Variants in FARP2 observed in about 807,000 individuals in gnomAD.
FARP2 encodes FERM, ARH/RhoGEF and pleckstrin domain protein 2.
In FARP2, 111 loss-of-function variants were observed where a neutral mutation model predicts 130.5. That is an observed-to-expected ratio of 0.85 (90% CI 0.73 to 1.00). FARP2 has a LOEUF of 1.00. Among genes scored for constraint, FARP2 ranks in the 50% least tolerant of loss-of-function variants. The pLI, the probability that FARP2 is intolerant of heterozygous loss-of-function variation, is 0.00. For synonymous variants in FARP2, 504 were observed against 516.9 expected, an observed-to-expected ratio of 0.98 and a Z score of 0.34; for missense variants, 1,385 against 1,346.3, an observed-to-expected ratio of 1.03 and a Z score of -0.45.
chr2:241,369,112 G>A lies in FARP2; in HGVS notation c.-24-3972G>A, dbSNP rs186763692. On this transcript the variant is annotated intron_variant, in intron 1 of 26. Coordinates refer to ENST00000264042, the MANE Select transcript of FARP2 (RefSeq NM_014808.4). Reference sequence around the variant, plus strand: ...GTCTGGGCTAAATGAAAATGAGGATGTAAGTCGCTGCTTGGAAAGTGTGCA... The same window carrying A: ...GTCTGGGCTAAATGAAAATGAGGATATAAGTCGCTGCTTGGAAAGTGTGCA... Among the ~76,000 whole-genome samples, 10 of 152,144 alleles carry A rather than the reference G, an allele frequency of 6.6e-5. No individual in the cohort carries two copies. The East Asian group carries it at 1.7e-3, about 26-fold the overall frequency.
In FARP2 at chr2:241,415,395, A is replaced by T. The variant is rs539197570; in HGVS notation, c.623+1974A>T. The stretch of plus-strand genomic sequence containing the variant: ...GGAAACGGTCACTGGTTCAGTCTGC[A>T]TTCCTAGGGTTGGGGATAGTCTCTC... On this transcript the variant is annotated intron_variant, in intron 7 of 26. Coordinates refer to ENST00000264042, the MANE Select transcript of FARP2 (RefSeq NM_014808.4). Among the ~76,000 whole-genome samples the T allele has an allele frequency of 5.1e-4, 78 of 152,232 alleles. No homozygotes were observed. The Middle Eastern group carries it at 0.01, about 20-fold the overall frequency.
At chr2:241,447,787 G>T (rs1309579029) in intron 13 of FARP2, among the ~76,000 whole-genome samples, 2 of 152,184 alleles carry the variant, frequency 1.3e-5, no homozygotes, top group Admixed American at 6.5e-5. Context: ...GCCTGCGGGG[G>T]TGGGGGCAGG....
intron 12 of FARP2, among the ~76,000 whole-genome samples, chr2:241,440,933 T>A (rs1300751771): frequency 6.6e-6 from 1 of 152,140 alleles, no homozygotes; most frequent in South Asian, 2.1e-4. Context: ...GGTGGATCAC[T>A]TGAGGCCAGG....
chr2:241,424,294 C>T (rs1252106214), intron 8 of FARP2, among the ~76,000 whole-genome samples: 1 of 152,150 alleles, frequency 6.6e-6, no homozygotes, highest in African/African-American at 2.4e-5. Context: ...AATTAGAACT[C>T]AAGATTTAAA....
chr2:241,471,820 A>G (rs1559802708), intron 18 of FARP2, among the ~76,000 whole-genome samples: 1 of 150,528 alleles, frequency 6.6e-6, no homozygotes, highest in Non-Finnish European at 1.5e-5. Flanking sequence ...CGGAGACCCT[A>G]TTTTGTGGGG....
At chr2:241,460,533 C>G (rs752573605) in intron 14 of FARP2, among the ~76,000 whole-genome samples, 2 of 152,122 alleles carry the variant, frequency 1.3e-5, no homozygotes, top group Non-Finnish European at 2.9e-5. Context: ...CCATATCAGC[C>G]TCCCAAAGTG....
intron 17 of FARP2, 48 bp downstream of exon 17, chr2:241,464,028 C>A: frequency 6.7e-7 from 1 of 1,500,170 alleles, no homozygotes; most frequent in Non-Finnish European, 9.3e-7. Flanking sequence ...TTTATGGGAG[C>A]AAAACCATCT....
At chr2:241,360,135 G>A (rs758287374) in intron 1 of FARP2, among the ~76,000 whole-genome samples, 13 of 152,020 alleles carry the variant, frequency 8.6e-5, no homozygotes, top group Admixed American at 6.6e-5. Context: ...CACTATATAG[G>A]GGGGAATTTT....
intron 2 of FARP2, among the ~76,000 whole-genome samples, chr2:241,377,660 T>C (rs1381874156): frequency 2.6e-5 from 4 of 152,206 alleles, no homozygotes; most frequent in Admixed American, 6.5e-5. Context: ...GTACTTTAAC[T>C]CATCTCTAGA....
intron 5 of FARP2, among the ~76,000 whole-genome samples, chr2:241,408,586 A>G (rs144222840): frequency 1.3e-5 from 2 of 152,022 alleles, no homozygotes; most frequent in African/African-American, 4.8e-5. Context: ...TCATCTGGAC[A>G]GTAAGGTTAT....
intron 21 of FARP2, chr2:241,488,168 A>G (rs1353791455): frequency 6.6e-6 from 1 of 151,912 alleles, no homozygotes; most frequent in Admixed American, 6.6e-5. Context: ...CTGGAAGTGA[A>G]AAACAGAATG....
At chr2:241,402,679 T>C (rs2062199919) in intron 2 of FARP2, among the ~76,000 whole-genome samples, 1 of 150,178 alleles carries the variant, frequency 6.7e-6, no homozygotes, top group Admixed American at 6.6e-5. Context: ...TCTTCTTCTG[T>C]TTTTTGAAAC....
chr2:241,457,000 G>A, intron 14 of FARP2, 78 bp downstream of exon 14: 1 of 1,344,684 alleles, frequency 7.4e-7, no homozygotes. Flanking sequence ...GGTGGTGCTG[G>A]TGGGGACCCT....
chr2:241,420,697 T>C (rs2062784420), intron 8 of FARP2, among the ~76,000 whole-genome samples: 1 of 152,210 alleles, frequency 6.6e-6, no homozygotes, highest in African/African-American at 2.4e-5. Flanking sequence ...TCAGCCTCTT[T>C]GTCCTGCAGA....
At chr2:241,463,747 C>G in intron 16 of FARP2, 152 bp from the exon 17 acceptor site, 1 of 716,642 alleles carries the variant, frequency 1.4e-6, no homozygotes, top group African/African-American at 1.8e-5. Flanking sequence ...CAGCTTCCAT[C>G]CAGGGCAGGC....
chr2:241,372,938 C>CT (rs75821706), intron 1 of FARP2, 146 bp from the exon 2 acceptor site: 76,517 of 408,762 alleles, frequency 0.19, 8,442 homozygotes, highest in East Asian at 0.41. Flanking sequence ...TTTTGTAACA[C>CT]TTTCTTTTGA....
chr2:241,484,271 A>C lies in FARP2; in HGVS notation c.2361A>C (p.Lys787Asn), dbSNP rs2064698486. Residue 787 changes from lysine to asparagine, a missense_variant, in exon 21 of 27, where the codon AAA becomes AAC. By Grantham distance (94) the Lys-to-Asn change is moderately conservative. Coordinates refer to ENST00000264042, the MANE Select transcript of FARP2 (RefSeq NM_014808.4). ...CAGATATGTTGCTGTACACAAGCAA[A>C]GGAGTTGCAGGGACCAGCCACTTCC... ...LFSDMLLYTS[K>N]GVAGTSHFRI... 12 of 1,614,158 alleles carry C rather than the reference A, an allele frequency of 7.4e-6. No homozygotes were observed. Among genetic ancestry groups the C allele is most frequent in the Non-Finnish European group, 1.0e-5 (12 of 1,179,984 alleles).
At chr2:241,402,836 TTATATATATATATA>T (rs1215612816) in intron 2 of FARP2, among the ~76,000 whole-genome samples, 33 of 16,828 alleles carry the variant, frequency 2.0e-3, no homozygotes, top group East Asian at 2.9e-3. Flanking sequence ...CCCAGCTAAT[TTATATATATATATA>T]TATATATATA....
chr2:241,408,858 T>C (rs76203748), intron 5 of FARP2, among the ~76,000 whole-genome samples: 1,919 of 152,250 alleles, frequency 0.013, 31 homozygotes, highest in African/African-American at 0.044. Context: ...TGCAAGGAAA[T>C]GGAGAGACCA....
Sources: allele counts gnomAD v4.1 joint callset (sites outside exome capture counted in the v4.1 genomes callset), GRCh38; gene constraint gnomAD v4.1.1; transcripts MANE v1.5; gene names NCBI Gene and HGNC (gene_info 2026-07-23, HGNC 2026-07-21).